PTPRN2: variants seen among roughly 807,000 people sequenced by gnomAD.
PTPRN2 encodes the protein protein tyrosine phosphatase receptor type N2.
A neutral mutation model predicts 118.8 loss-of-function variants in PTPRN2; 74 were observed. The observed-to-expected ratio is 0.62, with a 90% CI of 0.52 to 0.76. PTPRN2 has a LOEUF of 0.76. PTPRN2 is among the 30% of genes least tolerant of loss of function. The pLI is 0.00. For missense variants in PTPRN2, 1,481 were observed against 1,394.4 expected (o/e 1.06, Z -0.99); for synonymous variants, 641 against 608.0 (o/e 1.05, Z -0.80).
intron 2 of PTPRN2, among the ~76,000 whole-genome samples, chr7:158,430,275 T>C (rs543976050): frequency 6.6e-6 from 1 of 152,210 alleles, no homozygotes; most frequent in Admixed American, 6.5e-5. Flanking sequence ...CCAACTGAAT[T>C]GAAAGTGGGC....
chr7:158,280,660 G>C (rs556193765), intron 3 of PTPRN2, among the ~76,000 whole-genome samples: 1 of 152,238 alleles, frequency 6.6e-6, no homozygotes, highest in African/African-American at 2.4e-5. Flanking sequence ...CCGACACTGC[G>C]TAGAGACGCG....
chr7:158,191,647 A>G (rs1432642069), intron 5 of PTPRN2, among the ~76,000 whole-genome samples: 6 of 152,078 alleles, frequency 3.9e-5, no homozygotes. Context: ...TGTCCTTAAG[A>G]TGTTGAGTGG....
intron 21 of PTPRN2, among the ~76,000 whole-genome samples, chr7:157,552,665 A>G (rs1480740690): frequency 1.3e-5 from 2 of 152,250 alleles, no homozygotes; most frequent in Non-Finnish European, 2.9e-5. Flanking sequence ...TAAGATGTCT[A>G]TTGGCTTTTA....
In PTPRN2 at chr7:157,841,101, C is replaced by T. The variant is rs545812211; in HGVS notation, c.1788+57572G>A. Reference sequence around the variant, plus strand: ...ACTCGCTCCCAGCACAGGGCAGAGGCGGTCGCAGAGCTGCATGATCTACTT... The same window carrying T: ...ACTCGCTCCCAGCACAGGGCAGAGGTGGTCGCAGAGCTGCATGATCTACTT... On this transcript the variant is annotated intron_variant, in intron 12 of 22. Transcript: ENST00000389418. Among the ~76,000 whole-genome samples the T allele has an allele frequency of 5.6e-4, 86 of 152,374 alleles. 2 individuals are homozygous for T. Among genetic ancestry groups the T allele is most frequent in the Non-Finnish European group, 6.8e-4 (46 of 68,030 alleles).
intron 12 of PTPRN2, among the ~76,000 whole-genome samples, chr7:157,895,054 C>T (rs992979522): frequency 2.6e-5 from 4 of 151,994 alleles, no homozygotes; most frequent in Non-Finnish European, 5.9e-5. Context: ...GGACCCCTCC[C>T]CCACAGGAGG....
chr7:157,966,421 C>G (rs912742933), intron 11 of PTPRN2, among the ~76,000 whole-genome samples: 1 of 151,872 alleles, frequency 6.6e-6, no homozygotes, highest in Non-Finnish European at 1.5e-5. Context: ...CCATCTTTAT[C>G]ATCACCTTTA....
At chr7:158,547,928 G>C (rs1200573134) in intron 1 of PTPRN2, among the ~76,000 whole-genome samples, 1 of 152,230 alleles carries the variant, frequency 6.6e-6, no homozygotes, top group Non-Finnish European at 1.5e-5. Flanking sequence ...CCCCAGGGAA[G>C]CTGTGACTCC....
At chr7:158,036,729 A>C (rs1416666595) in intron 11 of PTPRN2, among the ~76,000 whole-genome samples, 1 of 152,228 alleles carries the variant, frequency 6.6e-6, no homozygotes, top group African/African-American at 2.4e-5. Flanking sequence ...TTAAATTTTA[A>C]GAAACTAGGA....
chr7:158,546,383 G>A lies in PTPRN2; in HGVS notation c.112+41175C>T, dbSNP rs1004007619. Reference sequence around the variant, plus strand: ...AAGGGAATCCCTCCCAGGGGAGGACGGACTGAGCTCTCAGAGTCCTTTGGG... The same window carrying A: ...AAGGGAATCCCTCCCAGGGGAGGACAGACTGAGCTCTCAGAGTCCTTTGGG... On this transcript the variant is annotated intron_variant, in intron 1 of 22. Coordinates refer to ENST00000389418, the MANE Select transcript of PTPRN2 (RefSeq NM_002847.5). This position sits in a 1 kb window ranked among gnomAD's most constrained non-coding sequence, Gnocchi z 5.0. 2.0e-5 allele frequency among the ~76,000 whole-genome samples: 3 copies of A among 152,228 alleles called. No individual in the cohort carries two copies. Among genetic ancestry groups the A allele is most frequent in the Admixed American group, 6.5e-5 (1 of 15,294 alleles).
chr7:157,814,870 G>A (rs1392353359), intron 12 of PTPRN2, among the ~76,000 whole-genome samples: 1 of 152,168 alleles, frequency 6.6e-6, no homozygotes, highest in Admixed American at 6.5e-5. Context: ...TGCAGAGGGC[G>A]CCTCTGCACA....
At chr7:158,493,386 C>G (rs1031251420) in intron 1 of PTPRN2, among the ~76,000 whole-genome samples, 6 of 133,706 alleles carry the variant, frequency 4.5e-5, no homozygotes, top group African/African-American at 1.7e-4. Flanking sequence ...TGCACACACT[C>G]ATACATGTGA....
At chr7:157,724,544 C>A (rs79692798) in intron 12 of PTPRN2, among the ~76,000 whole-genome samples, 1 of 152,128 alleles carries the variant, frequency 6.6e-6, no homozygotes, top group African/African-American at 2.4e-5. Flanking sequence ...CGGTGCAAGT[C>A]GAAATGTGCT....
At chr7:158,278,219 A>C (rs1799163598) in intron 3 of PTPRN2, among the ~76,000 whole-genome samples, 1 of 152,162 alleles carries the variant, frequency 6.6e-6, no homozygotes, top group African/African-American at 2.4e-5. Flanking sequence ...GTGGACAGGG[A>C]AATGGGAATC....
intron 2 of PTPRN2, among the ~76,000 whole-genome samples, chr7:158,421,220 C>A (rs1276720191): frequency 2.0e-5 from 3 of 152,136 alleles, no homozygotes; most frequent in Non-Finnish European, 2.9e-5. Flanking sequence ...GCACAGCTCT[C>A]AGGCCTTTGG....
chr7:157,753,907 C>T lies in PTPRN2; in HGVS notation c.1789-70970G>A, dbSNP rs1237553354. Among the ~76,000 whole-genome samples, 5 of 152,210 alleles carry T rather than the reference C, an allele frequency of 3.3e-5. No individual in the cohort carries two copies. The East Asian group carries it at 7.7e-4, about 24-fold the overall frequency. On this transcript the variant is annotated intron_variant, in intron 12 of 22. Coordinates refer to ENST00000389418, the MANE Select transcript of PTPRN2 (RefSeq NM_002847.5). ...CCCATCCGCGGCCATGGCTGCTGTC[C>T]AGGCATCACGCCCACACCTGCCACC...
chr7:158,435,148 A>G (rs1283614352), intron 2 of PTPRN2, among the ~76,000 whole-genome samples: 2 of 152,258 alleles, frequency 1.3e-5, no homozygotes, highest in Non-Finnish European at 2.9e-5. Context: ...AACAATCAAC[A>G]GTGAAAAGGC....
intron 11 of PTPRN2, among the ~76,000 whole-genome samples, chr7:157,952,306 G>A (rs1175160438): frequency 1.3e-5 from 2 of 151,248 alleles, no homozygotes; most frequent in Non-Finnish European, 3.0e-5. Context: ...TGGGTGGGAG[G>A]AACCTGGGGT....
At chr7:158,473,137 C>T (rs1169597019) in intron 2 of PTPRN2, among the ~76,000 whole-genome samples, 5 of 152,086 alleles carry the variant, frequency 3.3e-5, no homozygotes, top group Admixed American at 6.6e-5. Context: ...AGACATTATC[C>T]CTCCAAACTC....
At chr7:158,183,649 C>T (rs1389190202) in intron 5 of PTPRN2, among the ~76,000 whole-genome samples, 1 of 152,236 alleles carries the variant, frequency 6.6e-6, no homozygotes, top group African/African-American at 2.4e-5. Context: ...CCACTGCTCC[C>T]TAAATCAGTT....
Sources: gnomAD v4.1 joint callset for allele counts (sites outside exome capture counted in the v4.1 genomes callset) on GRCh38, gnomAD v4.1.1 for gene constraint, Gnocchi (gnomAD v3.1) non-coding constraint, MANE v1.5 for transcripts, NCBI Gene and HGNC (gene_info 2026-07-23, HGNC 2026-07-21) for gene names.